TNFRSF19: variants seen among roughly 807,000 people sequenced by gnomAD.
The protein encoded by TNFRSF19 is tumor necrosis factor receptor superfamily member 19.
Under a neutral mutation model 46.4 loss-of-function variants are expected in TNFRSF19, and 27 were observed. The ratio of observed to expected loss-of-function variants is 0.58; its 90% confidence interval spans 0.43 to 0.80. TNFRSF19 has a LOEUF of 0.80. Among genes scored for constraint, TNFRSF19 ranks in the 30% least tolerant of loss-of-function variants. TNFRSF19 has a pLI of 0.00. For missense variants in TNFRSF19, 511 were observed against 530.8 expected, an observed-to-expected ratio of 0.96 and a Z score of 0.37; for synonymous variants, 204 against 205.0, an observed-to-expected ratio of 1.00 and a Z score of 0.04.
chr13:23,585,834 T>TA (rs1300048974), intron 1 of TNFRSF19, among the ~76,000 whole-genome samples: 1 of 152,194 alleles, frequency 6.6e-6, no homozygotes, highest in Non-Finnish European at 1.5e-5. Flanking sequence ...TCCTTCCGTG[T>TA]AAGGGACAAC....
At chr13:23,580,862 T>C (rs1003309721) in intron 1 of TNFRSF19, among the ~76,000 whole-genome samples, 1 of 152,274 alleles carries the variant, frequency 6.6e-6, no homozygotes, top group African/African-American at 2.4e-5. Context: ...CTTTACTTTT[T>C]AATCTATGAA....
intron 5 of TNFRSF19, among the ~76,000 whole-genome samples, chr13:23,636,291 T>C (rs1028029001): frequency 3.3e-5 from 5 of 152,216 alleles, no homozygotes; most frequent in African/African-American, 1.2e-4. Flanking sequence ...GTAGGAGGCA[T>C]GGTTTTCTTC....
intron 5 of TNFRSF19, among the ~76,000 whole-genome samples, chr13:23,644,017 A>C (rs1883176118): frequency 6.6e-6 from 1 of 152,224 alleles, no homozygotes; most frequent in Non-Finnish European, 1.5e-5. Context: ...CATCAGTATT[A>C]ATATTAAAAC....
chr13:23,659,242 AGCATTTAGGGGAAGG>A lies in TNFRSF19; in HGVS notation c.610+36_610+50del. The A allele has an allele frequency of 6.3e-7, 1 of 1,586,536 alleles. No individual in the cohort carries two copies. The highest frequency in any genetic ancestry group is 8.6e-7 in the Non-Finnish European group (1 of 1,162,284). On this transcript the variant is annotated intron_variant, in intron 6 of 9. Transcript: ENST00000248484. The surrounding 1 kb of genome is among the most constrained non-coding windows in gnomAD (Gnocchi z 4.9). ...AAGTTTTGAGCTCATTACATTTCTT[AGCATTTAGGGGAAGG>A]GCATTTATTACTATTGTCGTGCAAG... is the stretch of plus-strand genomic sequence containing the variant.
At chr13:23,669,706 G>A in intron 9 of TNFRSF19, 1 of 985,356 alleles carries the variant, frequency 1.0e-6, no homozygotes, top group South Asian at 4.7e-5. Context: ...GGTGGCACCT[G>A]CAGAGAGATG....
At position 23,570,784 on chromosome 13, in the gene TNFRSF19, A is replaced by T. The variant is rs1007807614; in HGVS notation, c.-99A>T. ...TTCGTCTGGGCTTGTGCTGACATACATTTTTGGGAAGGTAGAAGCATTTGG... is the reference window on the plus strand; with the variant it reads ...TTCGTCTGGGCTTGTGCTGACATACTTTTTTGGGAAGGTAGAAGCATTTGG... On this transcript the variant is annotated 5_prime_UTR_variant, in exon 1 of 10. Transcript: ENST00000248484. 2.0e-5 allele frequency: 3 copies of T among 152,114 alleles called. No homozygotes were observed. The East Asian group carries it at 5.8e-4, about 29-fold the overall frequency. The allele number at this position is 152,114 out of a possible 1,614,324, so 9.4% of individuals were successfully genotyped here. A position where few individuals can be genotyped will look rare whatever the true frequency, so the allele number is the denominator to read the frequency against.
chr13:23,668,579 T>C, intron 8 of TNFRSF19, 113 bp from the exon 9 acceptor site: 2 of 1,193,932 alleles, frequency 1.7e-6, no homozygotes, highest in Non-Finnish European at 2.3e-6. Context: ...AGAATTCTGA[T>C]GCAGTAAATT....
intron 1 of TNFRSF19, chr13:23,579,420 G>C (rs1422548737): frequency 8.8e-6 from 1 of 113,018 alleles, no homozygotes; most frequent in African/African-American, 3.2e-5. Flanking sequence ...GTGCACGCTG[G>C]ACTGGACCCC....
intron 4 of TNFRSF19, among the ~76,000 whole-genome samples, chr13:23,620,903 G>A (rs1176876643): frequency 1.3e-5 from 2 of 152,138 alleles, no homozygotes; most frequent in East Asian, 1.9e-4. Context: ...GAACCACTCT[G>A]TAAAGTAGGG....
intron 1 of TNFRSF19, among the ~76,000 whole-genome samples, chr13:23,581,141 T>C (rs1364678100): frequency 3.3e-5 from 5 of 151,112 alleles, no homozygotes; most frequent in African/African-American, 1.2e-4. Flanking sequence ...TCTTTTTTTT[T>C]TTTTGAAACG....
intron 5 of TNFRSF19, among the ~76,000 whole-genome samples, chr13:23,634,165 T>C (rs9578624): frequency 0.013 from 1,907 of 152,344 alleles, 33 homozygotes; most frequent in African/African-American, 0.043. Context: ...ATAAAGTTGC[T>C]AAATATTTGT....
chr13:23,590,197 T>C lies in TNFRSF19; in HGVS notation c.14T>C (p.Val5Ala). ...TTGATAAGAAAGATGGCTTTAAAAG[T>C]GCTACTAGAACAAGAGAAAACGTTT... is the stretch of plus-strand genomic sequence containing the variant. MALK[V>A]LLEQEKTFFT... is the part of the protein sequence containing the mutation. The change falls in exon 2 of 10, where the codon GTG becomes GCG. Residue 5 changes from valine (V) to alanine (A), a missense_variant. By Grantham distance (64) the Val-to-Ala change is moderately conservative. Around this residue, in one of 3 missense-constraint regions of TNFRSF19, gnomAD observed 121 missense variants for 124.1 expected, o/e 0.98. Coordinates refer to ENST00000248484, the MANE Select transcript of TNFRSF19 (RefSeq NM_148957.4). The C allele has an allele frequency of 6.3e-7, 1 of 1,596,952 alleles. No individual in the cohort carries two copies. The highest frequency in any genetic ancestry group is 8.5e-7 in the Non-Finnish European group (1 of 1,170,354).
At chr13:23,610,913 T>C (rs1331987678) in intron 3 of TNFRSF19, among the ~76,000 whole-genome samples, 3 of 152,152 alleles carry the variant, frequency 2.0e-5, no homozygotes, top group Non-Finnish European at 4.4e-5. Context: ...ACTGCGTACT[T>C]CCTTCAAGCT....
chr13:23,574,217 A>G (rs181357597), intron 1 of TNFRSF19, among the ~76,000 whole-genome samples: 544 of 152,264 alleles, frequency 3.6e-3, no homozygotes, highest in Non-Finnish European at 5.8e-3. Flanking sequence ...CTACATATAC[A>G]AGATTATTAC....
At chr13:23,642,009 A>G (rs1883057829) in intron 5 of TNFRSF19, among the ~76,000 whole-genome samples, 1 of 152,234 alleles carries the variant, frequency 6.6e-6, no homozygotes. Context: ...TGAATACTGT[A>G]TCATACACTA....
chr13:23,595,045 A>G (rs1879615515), intron 3 of TNFRSF19, among the ~76,000 whole-genome samples: 1 of 152,226 alleles, frequency 6.6e-6, no homozygotes, highest in African/African-American at 2.4e-5. Context: ...AGGAAAACTA[A>G]CACACAGAAA....
chr13:23,584,125 G>A (rs1878655093), intron 1 of TNFRSF19, among the ~76,000 whole-genome samples: 1 of 129,752 alleles, frequency 7.7e-6, no homozygotes, highest in Non-Finnish European at 1.6e-5. Context: ...GTGGTATTTG[G>A]TTGCATGAGT....
rs147230436 is a variant in TNFRSF19 at position 23,596,329 on chromosome 13, C to T, written c.180+2874C>T. Among the ~76,000 whole-genome samples the T allele has an allele frequency of 9.1e-3, 1,379 of 152,264 alleles. 18 individuals are homozygous for T. Among genetic ancestry groups the T allele is most frequent in the African/African-American group, 0.032 (1,317 of 41,534 alleles). Reference sequence around the variant, plus strand: ...AATTGGATAAAGAGTCAAGACCCATCAGTGTGCAGTATTCAGGAGATCCAT... The same window carrying T: ...AATTGGATAAAGAGTCAAGACCCATTAGTGTGCAGTATTCAGGAGATCCAT... On this transcript the variant is annotated intron_variant, in intron 3 of 9. Transcript: ENST00000248484.
chr13:23,599,409 A>C (rs992360902), intron 3 of TNFRSF19, among the ~76,000 whole-genome samples: 1 of 152,166 alleles, frequency 6.6e-6, no homozygotes, highest in African/African-American at 2.4e-5. Flanking sequence ...CCCTCGAGAG[A>C]TCCTGACAGC....
Sources: gnomAD v4.1 joint callset for allele counts (sites outside exome capture counted in the v4.1 genomes callset) on GRCh38, gnomAD v4.1.1 for gene constraint, gnomAD v4.1.1 regional missense constraint, Gnocchi (gnomAD v3.1) non-coding constraint, MANE v1.5 for transcripts, NCBI Gene and HGNC (gene_info 2026-07-23, HGNC 2026-07-21) for gene names.